The following NRG3 variants were observed in gnomAD, a reference collection of about 807,000 sequenced individuals.
The protein encoded by NRG3 is neuregulin 3, also known as pro-neuregulin-3, membrane-bound isoform.
In NRG3, 31 loss-of-function variants were observed where a neutral mutation model predicts 66.9. The observed-to-expected ratio is 0.46, with a 90% CI of 0.35 to 0.63. The LOEUF (loss-of-function observed/expected upper bound fraction) is 0.63, where lower values mean the gene tolerates loss of function less well. Among genes scored for constraint, NRG3 ranks in the 20% least tolerant of loss-of-function variants. NRG3 has a pLI of 0.00. For synonymous variants in NRG3, 393 were observed against 359.4 expected, an observed-to-expected ratio of 1.09 and a Z score of -1.06; for missense variants, 910 against 878.9, an observed-to-expected ratio of 1.04 and a Z score of -0.45.
intron 8 of NRG3, among the ~76,000 whole-genome samples, chr10:82,981,856 A>C (rs1250155756): frequency 6.6e-6 from 1 of 152,218 alleles, no homozygotes; most frequent in Non-Finnish European, 1.5e-5. Flanking sequence ...GGAATCACAA[A>C]AGTTAGATTC....
At chr10:82,604,540 G>T (rs1378205527) in intron 2 of NRG3, among the ~76,000 whole-genome samples, 1 of 152,064 alleles carries the variant, frequency 6.6e-6, no homozygotes, top group Non-Finnish European at 1.5e-5. Context: ...ACTCATGTTT[G>T]TAATTACCAA....
intron 1 of NRG3, among the ~76,000 whole-genome samples, chr10:82,215,058 G>A (rs975754676): frequency 3.3e-5 from 5 of 152,086 alleles, no homozygotes; most frequent in Non-Finnish European, 7.4e-5. Flanking sequence ...TTAAGAACAT[G>A]TACATCTCTG....
chr10:82,307,931 A>G (rs973920383), intron 1 of NRG3, among the ~76,000 whole-genome samples: 16 of 151,828 alleles, frequency 1.1e-4, no homozygotes, highest in Non-Finnish European at 1.5e-5. Context: ...TTAATTTATT[A>G]TGAATTCTTA....
intron 2 of NRG3, among the ~76,000 whole-genome samples, chr10:82,730,024 C>A (rs917758698): frequency 6.6e-6 from 1 of 151,160 alleles, no homozygotes; most frequent in Non-Finnish European, 1.5e-5. Flanking sequence ...TGGCCTCCAT[C>A]TACTTCTGAA....
At chr10:82,429,396 A>G (rs2089653282) in intron 2 of NRG3, among the ~76,000 whole-genome samples, 1 of 152,110 alleles carries the variant, frequency 6.6e-6, no homozygotes, top group Non-Finnish European at 1.5e-5. Context: ...AAATGAATAA[A>G]TATAGACTTT....
chr10:82,125,856 T>C (rs1268547066), intron 1 of NRG3, among the ~76,000 whole-genome samples: 1 of 152,078 alleles, frequency 6.6e-6, no homozygotes, highest in East Asian at 1.9e-4. Context: ...CAAGGCACCG[T>C]CAGGTCTCCC....
rs7094441 is a variant in NRG3, at chr10:82,712,140, G to A, written c.954-26437G>A. ...GTAACTTTGGTTGCCATTTTGAATGGGATTTTTAAAAAATATTTTCTTCTA... is the reference window on the plus strand; with the variant it reads ...GTAACTTTGGTTGCCATTTTGAATGAGATTTTTAAAAAATATTTTCTTCTA... On this transcript the variant is annotated intron_variant, in intron 2 of 8. Coordinates refer to ENST00000372141, the MANE Select transcript of NRG3 (RefSeq NM_001010848.4). 5.5e-3 allele frequency among the ~76,000 whole-genome samples: 833 copies of A among 151,832 alleles called. 9 individuals carry two copies. Among genetic ancestry groups the A allele is most frequent in the African/African-American group, 0.019 (794 of 41,390 alleles).
At chr10:82,183,463 T>C (rs1469327844) in intron 1 of NRG3, among the ~76,000 whole-genome samples, 1 of 152,094 alleles carries the variant, frequency 6.6e-6, no homozygotes, top group Non-Finnish European at 1.5e-5. Context: ...GTTCAGTTAT[T>C]GCATTCTTCA....
At chr10:82,521,088 A>G (rs1846133308) in intron 2 of NRG3, among the ~76,000 whole-genome samples, 1 of 152,204 alleles carries the variant, frequency 6.6e-6, no homozygotes. Flanking sequence ...AAATACTGCA[A>G]TTAAAGAAAG....
At chr10:82,619,013 A>T (rs965912299) in intron 2 of NRG3, among the ~76,000 whole-genome samples, 1 of 152,002 alleles carries the variant, frequency 6.6e-6, no homozygotes, top group Non-Finnish European at 1.5e-5. Flanking sequence ...AAAAAAATTT[A>T]AATTCTTCTG....
At chr10:82,517,517 A>G (rs1213561574) in intron 2 of NRG3, among the ~76,000 whole-genome samples, 1 of 152,112 alleles carries the variant, frequency 6.6e-6, no homozygotes, top group Non-Finnish European at 1.5e-5. Context: ...GTCTAGGAAT[A>G]TATAATCTTG....
At chr10:82,951,695 C>T in intron 5 of NRG3, 124 bp downstream of exon 5, 1 of 750,158 alleles carries the variant, frequency 1.3e-6, no homozygotes, top group Non-Finnish European at 2.2e-6. Context: ...CAACAATCTG[C>T]AAGTGACTTA....
intron 2 of NRG3, among the ~76,000 whole-genome samples, chr10:82,466,378 C>T (rs1426438967): frequency 2.6e-5 from 4 of 152,144 alleles, no homozygotes; most frequent in Non-Finnish European, 5.9e-5. Flanking sequence ...CCCTAACCCC[C>T]TTCTTTGGCT....
At chr10:82,469,579 A>G (rs1426320254) in intron 2 of NRG3, among the ~76,000 whole-genome samples, 2 of 152,212 alleles carry the variant, frequency 1.3e-5, no homozygotes, top group African/African-American at 2.4e-5. Flanking sequence ...TGGCTAGGCC[A>G]TGGTGGCTAG....
At chr10:82,772,783 G>A (rs1164914211) in intron 3 of NRG3, among the ~76,000 whole-genome samples, 1 of 128,704 alleles carries the variant, frequency 7.8e-6, no homozygotes. Flanking sequence ...ATAGTTCATT[G>A]CAGCCTCGAC....
chr10:82,974,566 A>G (rs1852067218), intron 7 of NRG3, among the ~76,000 whole-genome samples: 1 of 152,236 alleles, frequency 6.6e-6, no homozygotes, highest in Non-Finnish European at 1.5e-5. Flanking sequence ...GTTCTAAACC[A>G]AATGATGAAG....
At chr10:82,979,321 A>G (rs1002904142) in intron 8 of NRG3, among the ~76,000 whole-genome samples, 9 of 152,220 alleles carry the variant, frequency 5.9e-5, no homozygotes, top group Non-Finnish European at 4.4e-5. Flanking sequence ...GGGAAACATT[A>G]GATTAGAAAG....
At chr10:82,487,736 C>T (rs1329886923) in intron 2 of NRG3, among the ~76,000 whole-genome samples, 1 of 152,166 alleles carries the variant, frequency 6.6e-6, no homozygotes, top group Non-Finnish European at 1.5e-5. Context: ...AAAAGACAAA[C>T]AGATCAGATA....
rs528378294 is a variant in NRG3, at chr10:82,407,939, C to T, written c.953+49071C>T. ...CAAAAATTAGTCAGGCATGATGGTG[C>T]GTGCCTCTAGTGCCAGCTACTCAGG... On this transcript the variant is annotated intron_variant, in intron 2 of 8. Coordinates refer to ENST00000372141, the MANE Select transcript of NRG3 (RefSeq NM_001010848.4). 1.4e-4 allele frequency among the ~76,000 whole-genome samples: 21 copies of T among 151,320 alleles called. 1 individual carries two copies. In the South Asian group the frequency reaches 3.6e-3, roughly 26 times the overall value.
Sources: allele counts gnomAD v4.1 joint callset (sites outside exome capture counted in the v4.1 genomes callset), GRCh38; gene constraint gnomAD v4.1.1; transcripts MANE v1.5; gene names NCBI Gene and HGNC (gene_info 2026-07-23, HGNC 2026-07-21).